The following TRPM3 variants were observed in gnomAD, a reference collection of about 807,000 sequenced individuals.
The protein encoded by TRPM3 is long transient receptor potential channel 3.
Under a neutral mutation model 181.2 loss-of-function variants are expected in TRPM3, and 77 were observed. That is an observed-to-expected ratio of 0.42 (90% CI 0.35 to 0.51). TRPM3 has a LOEUF of 0.51. Among genes scored for constraint, TRPM3 ranks in the 20% least tolerant of loss-of-function variants. The probability of loss-of-function intolerance (pLI) is 0.01; values close to 1 mark genes in which losing one functional copy is unlikely to be tolerated. For missense variants in TRPM3, 1,759 were observed against 2,196.7 expected (o/e 0.80, Z 3.98); for synonymous variants, 745 against 796.4 (o/e 0.94, Z 1.09).
chr9:70,809,486 T>C (rs900712892), intron 6 of TRPM3, among the ~76,000 whole-genome samples: 2 of 152,226 alleles, frequency 1.3e-5, no homozygotes, highest in Admixed American at 1.3e-4. Flanking sequence ...CTTTTCTATG[T>C]TTAGATACAC....
intron 8 of TRPM3, among the ~76,000 whole-genome samples, chr9:70,739,788 T>C (rs1325833106): frequency 6.6e-6 from 1 of 152,034 alleles, no homozygotes; most frequent in Non-Finnish European, 1.5e-5. Flanking sequence ...TGGTAAATTT[T>C]TGTATTTTTA....
At chr9:70,762,118 CAGG>C (rs1378495111) in intron 7 of TRPM3, among the ~76,000 whole-genome samples, 3 of 152,196 alleles carry the variant, frequency 2.0e-5, no homozygotes, top group African/African-American at 7.2e-5. Flanking sequence ...AACAGTACTG[CAGG>C]AGATTTAAAT....
At chr9:71,025,682 C>T (rs1467583298) in intron 1 of TRPM3, among the ~76,000 whole-genome samples, 3 of 152,142 alleles carry the variant, frequency 2.0e-5, no homozygotes, top group Non-Finnish European at 4.4e-5. Flanking sequence ...AGCTTGCATC[C>T]AACAGAGAAA....
intron 2 of TRPM3, 46 bp downstream of exon 2, chr9:70,864,386 T>C (rs537767910): frequency 3.0e-6 from 4 of 1,335,048 alleles, no homozygotes; most frequent in Admixed American, 5.6e-5. Flanking sequence ...AGGTTTTTTG[T>C]ATAATTACTA....
chr9:70,966,126 C>T (rs564001296), intron 1 of TRPM3, among the ~76,000 whole-genome samples: 1 of 151,102 alleles, frequency 6.6e-6, no homozygotes, highest in African/African-American at 2.4e-5. Flanking sequence ...ATACATGTGG[C>T]CAACAAGCAT....
At chr9:70,885,902 A>T in intron 1 of TRPM3, among the ~76,000 whole-genome samples, 1 of 152,200 alleles carries the variant, frequency 6.6e-6, no homozygotes, top group Admixed American at 6.5e-5. Context: ...AAACAGCACA[A>T]ATTGCCCTTA....
rs1473273105 is a variant in TRPM3, at chr9:70,604,961, C to CCTCTTTTTTT, written c.2668-1492_2668-1491insAAAAAAAGAG. On this transcript the variant is annotated intron_variant, in intron 19 of 25. Transcript: ENST00000677713. ...GCCACCATGCTCAGCTGAATGGATT[C>CCTCTTTTTTT]TTCTTTTTTTTTGGAGACTGAGTCT... Among the ~76,000 whole-genome samples the CCTCTTTTTTT allele has an allele frequency of 1.6e-3, 8 of 4,910 alleles. No homozygotes were observed. The East Asian group carries it at 0.041, about 25-fold the overall frequency. 3.2% of individuals were successfully genotyped at this position (4,910 alleles called of 152,430 possible).
Position 70,761,660 on chromosome 9 carries a change from G to C in TRPM3, c.1213C>G (p.Arg405Gly). 1 of 1,613,852 alleles carries C rather than the reference G, an allele frequency of 6.2e-7. No homozygotes were observed. Among genetic ancestry groups the C allele is most frequent in the Non-Finnish European group, 8.5e-7 (1 of 1,179,882 alleles). The part of the protein sequence containing the change: ...VTIQKTFTYT[R>G]TQAQHLFIIL... ...ATGAACAGATGCTGAGCTTGGGTTCGAGTGTATGTGAAAGTCTTCTGTATA... is the reference window on the plus strand; with the variant it reads ...ATGAACAGATGCTGAGCTTGGGTTCCAGTGTATGTGAAAGTCTTCTGTATA... The change falls in exon 8 of 26, where the codon CGA becomes GGA. Residue 405 changes from arginine (R) to glycine (G), a missense_variant. Arg to Gly is a moderately radical substitution (Grantham distance 125, BLOSUM62 -2). Transcript: ENST00000677713.
At chr9:71,200,945 G>A (rs1165371613) in intron 1 of TRPM3, among the ~76,000 whole-genome samples, 4 of 151,882 alleles carry the variant, frequency 2.6e-5, no homozygotes, top group South Asian at 2.1e-4. Context: ...TTGCTCGTTA[G>A]TTGATGCAGT....
At chr9:70,948,149 C>G (rs2096956870) in intron 1 of TRPM3, among the ~76,000 whole-genome samples, 1 of 150,882 alleles carries the variant, frequency 6.6e-6, no homozygotes, top group Non-Finnish European at 1.5e-5. Context: ...AGATAGAGCA[C>G]TAAACAGCTC....
intron 22 of TRPM3, among the ~76,000 whole-genome samples, chr9:70,571,675 T>C (rs1034706866): frequency 1.8e-4 from 28 of 152,150 alleles, no homozygotes; most frequent in Non-Finnish European, 1.3e-4. Flanking sequence ...GCAACAATCC[T>C]ATCTTGTAGG....
At chr9:70,634,084 T>C (rs533662230) in intron 12 of TRPM3, among the ~76,000 whole-genome samples, 2 of 152,208 alleles carry the variant, frequency 1.3e-5, no homozygotes, top group African/African-American at 4.8e-5. Flanking sequence ...TTCTTGTCTT[T>C]AAGTGGGAAT....
intron 1 of TRPM3, among the ~76,000 whole-genome samples, chr9:71,095,530 G>A (rs1421098725): frequency 6.6e-6 from 1 of 152,080 alleles, no homozygotes; most frequent in Non-Finnish European, 1.5e-5. Context: ...AGGCCAAGGA[G>A]GGTGGATCAG....
chr9:71,351,715 C>CTA (rs1425535032), intron 1 of TRPM3, among the ~76,000 whole-genome samples: 12 of 152,068 alleles, frequency 7.9e-5, no homozygotes, highest in Admixed American at 5.9e-4. Context: ...GTCCAATTTG[C>CTA]TATATATATT....
chr9:71,010,577 T>A (rs970971200), intron 1 of TRPM3, among the ~76,000 whole-genome samples: 3 of 152,102 alleles, frequency 2.0e-5, no homozygotes, highest in African/African-American at 7.2e-5. Context: ...AGATAGCACC[T>A]CATCCCAATT....
chr9:71,185,478 T>C (rs970332743), intron 1 of TRPM3, among the ~76,000 whole-genome samples: 3 of 152,108 alleles, frequency 2.0e-5, no homozygotes, highest in Non-Finnish European at 4.4e-5. Flanking sequence ...ACCCTCTTTG[T>C]TTCTTTCTTG....
chr9:71,219,397 A>T (rs2080097119), intron 1 of TRPM3, among the ~76,000 whole-genome samples: 1 of 152,206 alleles, frequency 6.6e-6, no homozygotes, highest in Non-Finnish European at 1.5e-5. Context: ...GACAGTCTGT[A>T]CTTTCTAAAC....
intron 22 of TRPM3, among the ~76,000 whole-genome samples, chr9:70,555,436 C>G (rs1299310611): frequency 6.6e-6 from 1 of 152,230 alleles, no homozygotes; most frequent in Non-Finnish European, 1.5e-5. Flanking sequence ...TTCCCATCAT[C>G]TGGCTCAGTG....
intron 1 of TRPM3, among the ~76,000 whole-genome samples, chr9:71,092,795 T>C (rs1007116937): frequency 2.0e-5 from 3 of 152,146 alleles, no homozygotes; most frequent in Non-Finnish European, 2.9e-5. Flanking sequence ...TAGACATTCA[T>C]TTGTTTAAAA....
Sources: gnomAD v4.1 joint callset for allele counts (sites outside exome capture counted in the v4.1 genomes callset) on GRCh38, gnomAD v4.1.1 for gene constraint, MANE v1.5 for transcripts, NCBI Gene and HGNC (gene_info 2026-07-23, HGNC 2026-07-21) for gene names.